Variants in LAMA1 observed in about 807,000 individuals in gnomAD.
The protein encoded by LAMA1 is laminin subunit alpha 1.
Under a neutral mutation model 348.7 loss-of-function variants are expected in LAMA1, and 219 were observed. The ratio of observed to expected loss-of-function variants is 0.63; its 90% CI spans 0.56 to 0.70. The LOEUF (loss-of-function observed/expected upper bound fraction) is 0.70, where lower values mean the gene tolerates loss of function less well. Among genes scored for constraint, LAMA1 ranks in the 30% least tolerant of loss-of-function variants. The pLI is 0.00. For missense variants in LAMA1, 3,744 were observed against 3,888.0 expected (o/e 0.96, Z 0.99); for synonymous variants, 1,487 against 1,491.0 (o/e 1.00, Z 0.06).
At chr18:7,003,589 C>T (rs529485715) in intron 29 of LAMA1, among the ~76,000 whole-genome samples, 2 of 152,242 alleles carry the variant, frequency 1.3e-5, no homozygotes, top group Admixed American at 1.3e-4. Flanking sequence ...GCTAAAAGAA[C>T]AAGCAGTTCT....
chr18:7,037,887 T>C (rs2058002620), intron 11 of LAMA1, 136 bp from the exon 12 acceptor site: 2 of 849,982 alleles, frequency 2.4e-6, no homozygotes, highest in African/African-American at 3.3e-5. Context: ...ATAACACCTG[T>C]GGCTGCTGAA....
At chr18:7,023,566 A>G (rs659124) in intron 18 of LAMA1, among the ~76,000 whole-genome samples, 191 bp from the exon 19 acceptor site, 74,785 of 151,908 alleles carry the variant, frequency 0.49, 21,017 homozygotes, top group African/African-American at 0.78. Context: ...GGGGGAGAGC[A>G]TCCAAAATGA....
chr18:6,980,380 GC>G (rs2057705619), intron 42 of LAMA1, 140 bp downstream of exon 42: 1 of 656,174 alleles, frequency 1.5e-6, no homozygotes, highest in African/African-American at 1.8e-5. Context: ...ATATTCCTTT[GC>G]AAGTAAAAAT....
At chr18:7,059,655 C>T (rs1175370548) in intron 3 of LAMA1, among the ~76,000 whole-genome samples, 3 of 152,202 alleles carry the variant, frequency 2.0e-5, no homozygotes, top group Non-Finnish European at 4.4e-5. Context: ...CTCCTCTCCA[C>T]AGAAAGTGCA....
Position 6,956,931 on chromosome 18 carries a change from T to C in LAMA1, c.7965-166A>G, listed in dbSNP as rs139050229. Reference sequence around the variant, plus strand: ...TTCACTGTGACTCAGAGTCCAAACATGCTATCTTAATATTTCTTGTCTGAA... The same window carrying C: ...TTCACTGTGACTCAGAGTCCAAACACGCTATCTTAATATTTCTTGTCTGAA... On this transcript the variant is annotated intron_variant, in intron 55 of 62. Transcript: ENST00000389658. The C allele has an allele frequency of 4.3e-4, 313 of 720,868 alleles. 1 individual carries two copies. Among genetic ancestry groups the C allele is most frequent in the Non-Finnish European group, 4.4e-4 (189 of 425,086 alleles). The allele number at this position is 720,868 out of a possible 1,614,324, so 44.7% of individuals were successfully genotyped here.
chr18:6,981,143 G>T (rs1489102520), intron 41 of LAMA1, among the ~76,000 whole-genome samples: 2 of 151,584 alleles, frequency 1.3e-5, no homozygotes, highest in Non-Finnish European at 1.5e-5. Flanking sequence ...TTTCTAGCTT[G>T]CTCGATCATT....
At chr18:7,002,217 G>A (rs201655885) in intron 30 of LAMA1, 47 bp downstream of exon 30, 77 of 1,603,804 alleles carry the variant, frequency 4.8e-5, no homozygotes, top group Non-Finnish European at 6.4e-5. Flanking sequence ...TGAACTGGAA[G>A]CAGCCCTGGG....
Position 7,013,855 on chromosome 18 carries a change from A to G in LAMA1, c.3323T>C (p.Leu1108Pro). 1 of 1,612,176 alleles carries G rather than the reference A, an allele frequency of 6.2e-7. No homozygotes were observed. The highest frequency in any genetic ancestry group is 8.5e-7 in the Non-Finnish European group (1 of 1,179,054). The change falls in exon 23 of 63, where the codon CTC becomes CCC. Residue 1108 changes from leucine to proline, a missense_variant. Around this residue, in one of 3 missense-constraint regions of LAMA1, gnomAD observed 1,529 missense variants for 1,689.4 expected, o/e 0.91. Transcript: ENST00000389658. Reference protein sequence around the residue: ...SGDACNLEQGLCGCVEETGAC... With the variant: ...SGDACNLEQGPCGCVEETGAC... Reference sequence around the variant, plus strand: ...CCCGGTTTCCTCCACACAGCCGCAGAGACCCTGCTCCAGGTTGCAGGCGTC... The same window carrying G: ...CCCGGTTTCCTCCACACAGCCGCAGGGACCCTGCTCCAGGTTGCAGGCGTC...
chr18:7,035,082 G>A (rs942171221), intron 13 of LAMA1, among the ~76,000 whole-genome samples: 16 of 152,194 alleles, frequency 1.1e-4, no homozygotes, highest in African/African-American at 3.4e-4. Context: ...GTGATTTACC[G>A]TGTGCGGTCT....
chr18:6,957,528 G>A (rs1180445998), intron 55 of LAMA1: 3 of 152,284 alleles, frequency 2.0e-5, no homozygotes, highest in African/African-American at 7.2e-5. Context: ...CTGTGACCAT[G>A]AAAGATCCAA....
At chr18:6,949,972 A>C (rs1487580931) in intron 58 of LAMA1, among the ~76,000 whole-genome samples, 2 of 152,228 alleles carry the variant, frequency 1.3e-5, no homozygotes, top group Non-Finnish European at 2.9e-5. Context: ...CTTAGGAATC[A>C]CGTAGCCAAT....
intron 44 of LAMA1, 152 bp from the exon 45 acceptor site, chr18:6,976,232 T>C (rs2057681711): frequency 1.4e-6 from 1 of 723,960 alleles, no homozygotes. Flanking sequence ...TGAAGTGACA[T>C]ATCAGATGGT....
chr18:7,059,680 G>T (rs980497901), intron 3 of LAMA1, among the ~76,000 whole-genome samples: 25 of 152,260 alleles, frequency 1.6e-4, no homozygotes, highest in African/African-American at 5.8e-4. Context: ...TTCTCCGCAG[G>T]CTCTCAGGAA....
intron 55 of LAMA1, chr18:6,956,995 A>C: frequency 5.8e-6 from 3 of 516,698 alleles, no homozygotes; most frequent in Admixed American, 2.8e-5. Context: ...GCATATCCCC[A>C]TGTCAGACCC....
At chr18:7,075,937 A>T (rs1391776950) in intron 3 of LAMA1, among the ~76,000 whole-genome samples, 4 of 55,606 alleles carry the variant, frequency 7.2e-5, no homozygotes, top group Non-Finnish European at 1.1e-4. Context: ...GCTCCATTTA[A>T]AAAAAAAAAA....
intron 19 of LAMA1, among the ~76,000 whole-genome samples, chr18:7,022,707 C>T (rs2057923464): frequency 6.6e-6 from 1 of 152,144 alleles, no homozygotes; most frequent in Non-Finnish European, 1.5e-5. Flanking sequence ...GCAGTTCTGG[C>T]ACAGAGGGCT....
chr18:6,999,514 G>A lies in LAMA1; in HGVS notation c.4594C>T (p.Leu1532=), dbSNP rs539835833. 3 of 1,614,120 alleles carry A rather than the reference G, an allele frequency of 1.9e-6. No homozygotes were observed. Among genetic ancestry groups the A allele is most frequent in the African/African-American group, 2.7e-5 (2 of 75,034 alleles). ...DRTSGQCVCR[L]GASGLRCDEC... ...TCGCACCGGAGCCCCGAGGCCCCCA[G>A]CCTGCAAACGCACTGCCCAGATGTG... The change falls in exon 32 of 63, where the codon CTG becomes TTG. Residue 1532 remains leucine (L), a synonymous_variant. Transcript: ENST00000389658.
At chr18:6,977,300 T>C (rs902920520) in intron 44 of LAMA1, among the ~76,000 whole-genome samples, 25 of 152,194 alleles carry the variant, frequency 1.6e-4, no homozygotes, top group Non-Finnish European at 7.3e-5. Context: ...ATGAGGCCCA[T>C]ACTACACAAA....
At position 7,080,385 on chromosome 18, in the gene LAMA1, C is replaced by T; in HGVS notation, c.134G>A (p.Gly45Glu). Residue 45 changes from glycine to glutamate, a missense_variant, in exon 2 of 63, where the codon GGG becomes GAG. Physicochemically the swap from Gly to Glu is moderately conservative, Grantham distance 98. Transcript: ENST00000389658. The stretch of plus-strand genomic sequence containing the variant: ...CACAAGTTTGCAGAACATCTCCGGC[C>T]CCTTCTCGCCACAGGTGGCATTGGT... The part of the protein sequence containing the change: ...ISTNATCGEK[G>E]PEMFCKLVEH... The T allele has an allele frequency of 6.2e-7, 1 of 1,614,254 alleles. No homozygotes were observed.
Sources: allele counts gnomAD v4.1 joint callset (sites outside exome capture counted in the v4.1 genomes callset), GRCh38; gene constraint gnomAD v4.1.1; regional missense constraint gnomAD v4.1.1; transcripts MANE v1.5; gene names NCBI Gene and HGNC (gene_info 2026-07-23, HGNC 2026-07-21).